Variants in PPP2R2C observed in about 807,000 individuals in gnomAD.
The protein encoded by PPP2R2C is protein phosphatase 2 regulatory subunit Bgamma, also known as protein phosphatase 2, regulatory subunit B, gamma.
In PPP2R2C, 10 loss-of-function variants were observed where a neutral mutation model predicts 45.3. The observed-to-expected ratio is 0.22, with a 90% confidence interval of 0.14 to 0.37. The LOEUF (loss-of-function observed/expected upper bound fraction) is 0.37. PPP2R2C is among the 10% of genes least tolerant of loss of function. The pLI, the probability that PPP2R2C is intolerant of heterozygous loss-of-function variation, is 1.00. For missense variants in PPP2R2C, 308 were observed against 619.7 expected (o/e 0.50, Z 5.34); for synonymous variants, 257 against 245.4 (o/e 1.05, Z -0.44).
chr4:6,497,998 C>T (rs565983964), intron 2 of PPP2R2C, among the ~76,000 whole-genome samples: 14 of 152,344 alleles, frequency 9.2e-5, no homozygotes, highest in Admixed American at 6.5e-4. Flanking sequence ...AGCATCCATA[C>T]GCTGTTGGCT....
chr4:6,427,387 C>G (rs532539026), intron 1 of PPP2R2C, among the ~76,000 whole-genome samples: 2 of 152,326 alleles, frequency 1.3e-5, no homozygotes, highest in Admixed American at 1.3e-4. Context: ...CATTTGCAAC[C>G]AGGCCAGAGG....
intron 1 of PPP2R2C, among the ~76,000 whole-genome samples, chr4:6,544,398 A>G (rs1349676904): frequency 6.6e-6 from 1 of 152,148 alleles, no homozygotes; most frequent in East Asian, 1.9e-4. Context: ...GTTGGAGTGC[A>G]GTGGCATGAT....
At position 6,330,931 on chromosome 4, in the gene PPP2R2C, C is replaced by G. The variant is rs1368625280; in HGVS notation, c.961-1578G>C. Among the ~76,000 whole-genome samples, 2 of 152,026 alleles carry G rather than the reference C, an allele frequency of 1.3e-5. No homozygotes were observed. Among genetic ancestry groups the G allele is most frequent in the East Asian group, 3.9e-4 (2 of 5,138 alleles). ...CCCTTGGGCCCCTGGGCTGCAGCCC[C>G]ACCAAGCTGAGGGTCACTGTGTTCC... is the stretch of plus-strand genomic sequence containing the variant. On this transcript the variant is annotated intron_variant, in intron 7 of 8. Transcript: ENST00000382599. The surrounding 1 kb of genome is among the most constrained non-coding windows in gnomAD (Gnocchi z 7.0).
chr4:6,333,127 C>T (rs111645218), intron 7 of PPP2R2C, among the ~76,000 whole-genome samples: 54 of 152,348 alleles, frequency 3.5e-4, no homozygotes, highest in African/African-American at 1.2e-3. Flanking sequence ...GAAACATGTG[C>T]TCAGTTCACC....
chr4:6,494,236 C>G (rs1226319598), intron 2 of PPP2R2C, among the ~76,000 whole-genome samples: 1 of 152,186 alleles, frequency 6.6e-6, no homozygotes, highest in Non-Finnish European at 1.5e-5. Context: ...TATCTAGAAA[C>G]ACAGGGGACG....
At chr4:6,444,872 C>T (rs571030713) in intron 1 of PPP2R2C, among the ~76,000 whole-genome samples, 1 of 152,324 alleles carries the variant, frequency 6.6e-6, no homozygotes, top group South Asian at 2.1e-4. Flanking sequence ...ACCTTCACAT[C>T]CATGGCCCAG....
intron 5 of PPP2R2C, among the ~76,000 whole-genome samples, chr4:6,359,995 G>C (rs149638409): frequency 0.013 from 1,944 of 152,344 alleles, 35 homozygotes; most frequent in Non-Finnish European, 0.017. Flanking sequence ...TTCACCTCAT[G>C]ATGGGCCCCA....
chr4:6,416,071 A>G (rs1203090760), intron 1 of PPP2R2C, among the ~76,000 whole-genome samples: 2 of 136,780 alleles, frequency 1.5e-5, no homozygotes. Context: ...TTCTATTTGG[A>G]TTTCTCATGA....
At chr4:6,454,326 G>A (rs1720899276) in intron 1 of PPP2R2C, among the ~76,000 whole-genome samples, 1 of 152,182 alleles carries the variant, frequency 6.6e-6, no homozygotes, top group Non-Finnish European at 1.5e-5. Flanking sequence ...GGGCCGGCCT[G>A]TGACTTGCTT....
chr4:6,349,111 CT>C (rs1712290694), intron 5 of PPP2R2C: 1 of 985,324 alleles, frequency 1.0e-6, no homozygotes, highest in Admixed American at 6.1e-5. Flanking sequence ...CCCCGAGCTT[CT>C]CTCCGGCTTT....
At chr4:6,383,627 G>T (rs565114678) in intron 1 of PPP2R2C, 2 of 494,952 alleles carry the variant, frequency 4.0e-6, no homozygotes, top group South Asian at 4.0e-5. Context: ...TGCTGAAACT[G>T]CTGTCTGCAC....
chr4:6,546,941 C>A (rs1725006630), intron 1 of PPP2R2C, among the ~76,000 whole-genome samples: 1 of 152,110 alleles, frequency 6.6e-6, no homozygotes, highest in South Asian at 2.1e-4. Context: ...GAAAGAGAGA[C>A]GGGAAGAAGA....
chr4:6,492,448 G>A (rs563605099), intron 2 of PPP2R2C, among the ~76,000 whole-genome samples: 22 of 152,298 alleles, frequency 1.4e-4, no homozygotes, highest in Admixed American at 7.2e-4. Flanking sequence ...GTGCTCTGGC[G>A]TCTTTCTGCA....
intron 1 of PPP2R2C, among the ~76,000 whole-genome samples, chr4:6,411,746 G>T (rs1325336586): frequency 2.0e-5 from 3 of 151,972 alleles, no homozygotes; most frequent in Non-Finnish European, 2.9e-5. Context: ...TAGAGACGGG[G>T]TTTCACTGTG....
chr4:6,404,087 T>G (rs935767642), intron 1 of PPP2R2C, among the ~76,000 whole-genome samples: 9 of 152,118 alleles, frequency 5.9e-5, no homozygotes, highest in Non-Finnish European at 1.2e-4. Flanking sequence ...GCTCAGCATT[T>G]GTTCCCACCA....
At chr4:6,495,477 C>A (rs1202780858) in intron 2 of PPP2R2C, among the ~76,000 whole-genome samples, 1 of 152,214 alleles carries the variant, frequency 6.6e-6, no homozygotes, top group Non-Finnish European at 1.5e-5. Context: ...CGGATCCCAC[C>A]TGGGATGAGC....
At chr4:6,514,449 C>A (rs898475570) in intron 2 of PPP2R2C, among the ~76,000 whole-genome samples, 3 of 152,226 alleles carry the variant, frequency 2.0e-5, no homozygotes, top group Admixed American at 6.5e-5. Flanking sequence ...TGTGACCTGG[C>A]TGGCTCAAGG....
rs573683020 is a variant in PPP2R2C, at chr4:6,455,922, C to T, written c.70+16238G>A. Among the ~76,000 whole-genome samples, 14 of 152,270 alleles carry T rather than the reference C, an allele frequency of 9.2e-5. No individual in the cohort carries two copies. The East Asian group carries it at 2.7e-3, about 29-fold the overall frequency. ...ACCTGCTCCCAGGCTGCAACGGGCCCACTGCATCCCTGCCCCTCACACCGG... is the reference window on the plus strand; with the variant it reads ...ACCTGCTCCCAGGCTGCAACGGGCCTACTGCATCCCTGCCCCTCACACCGG... On this transcript the variant is annotated intron_variant, in intron 1 of 8. Coordinates refer to ENST00000382599, the MANE Select transcript of PPP2R2C (RefSeq NM_020416.4).
At chr4:6,342,398 G>C (rs1044980075) in intron 6 of PPP2R2C, among the ~76,000 whole-genome samples, 1 of 152,094 alleles carries the variant, frequency 6.6e-6, no homozygotes, top group African/African-American at 2.4e-5. Flanking sequence ...TCATCTGTAG[G>C]ATGAATACTA....
Sources: gnomAD v4.1 joint callset for allele counts (sites outside exome capture counted in the v4.1 genomes callset) on GRCh38, gnomAD v4.1.1 for gene constraint, Gnocchi (gnomAD v3.1) non-coding constraint, MANE v1.5 for transcripts, NCBI Gene and HGNC (gene_info 2026-07-23, HGNC 2026-07-21) for gene names.